PLCL1: variants seen among roughly 807,000 people sequenced by gnomAD.
PLCL1 encodes the protein phospholipase C like 1 (inactive).
Under a neutral mutation model 84.4 loss-of-function variants are expected in PLCL1, and 41 were observed. The ratio of observed to expected loss-of-function variants is 0.49; its 90% CI spans 0.38 to 0.63. The LOEUF is 0.63. PLCL1 is among the 30% of genes least tolerant of loss of function. The pLI, the probability that PLCL1 is intolerant of heterozygous loss-of-function variation, is 0.00. For synonymous variants in PLCL1, 490 were observed against 488.3 expected (o/e 1.00, Z -0.05); for missense variants, 1,206 against 1,367.8 (o/e 0.88, Z 1.87).
At position 198,005,240 on chromosome 2, in the gene PLCL1, G is replaced by A. The variant is rs151212265; in HGVS notation, c.241-78518G>A. On this transcript the variant is annotated intron_variant, in intron 1 of 5. Coordinates refer to ENST00000428675, the MANE Select transcript of PLCL1 (RefSeq NM_006226.4). ...AAGTGATAGGGGCAGTGAGATATAC[G>A]CTTTATCTCCCTGCATAGGCAATGA... 3.5e-3 allele frequency among the ~76,000 whole-genome samples: 532 copies of A among 152,320 alleles called. 2 individuals are homozygous for A. Among genetic ancestry groups the A allele is most frequent in the Admixed American group, 8.4e-3 (129 of 15,308 alleles).
At chr2:197,937,461 T>C (rs769565338) in intron 1 of PLCL1, among the ~76,000 whole-genome samples, 1 of 152,206 alleles carries the variant, frequency 6.6e-6, no homozygotes, top group Non-Finnish European at 1.5e-5. Flanking sequence ...CATTAATCTT[T>C]TGTAGTTTTC....
chr2:197,914,602 T>C (rs756037839), intron 1 of PLCL1, among the ~76,000 whole-genome samples: 12 of 152,222 alleles, frequency 7.9e-5, no homozygotes, highest in Non-Finnish European at 1.6e-4. Context: ...GTGCTGGGAT[T>C]ACAGATGTGA....
intron 1 of PLCL1, among the ~76,000 whole-genome samples, chr2:198,045,392 G>A (rs1264209757): frequency 6.6e-6 from 1 of 152,110 alleles, no homozygotes; most frequent in Non-Finnish European, 1.5e-5. Context: ...TGAATCATAG[G>A]AATGTAGATA....
At chr2:197,981,200 G>T (rs1295583148) in intron 1 of PLCL1, among the ~76,000 whole-genome samples, 3 of 152,192 alleles carry the variant, frequency 2.0e-5, no homozygotes, top group African/African-American at 7.2e-5. Context: ...TAGGGCAAAA[G>T]ACCTTTCCAC....
intron 1 of PLCL1, among the ~76,000 whole-genome samples, chr2:197,837,903 G>A (rs1691223076): frequency 6.6e-6 from 1 of 152,024 alleles, no homozygotes; most frequent in Non-Finnish European, 1.5e-5. Context: ...TTGAAATTGG[G>A]GGCTCCTTTT....
intron 1 of PLCL1, among the ~76,000 whole-genome samples, chr2:197,810,025 A>G (rs1367458978): frequency 2.0e-5 from 3 of 152,094 alleles, no homozygotes; most frequent in Admixed American, 1.3e-4. Flanking sequence ...TGGATTTTGG[A>G]GAAATAACCA....
chr2:198,044,073 A>T (rs1353993822), intron 1 of PLCL1, among the ~76,000 whole-genome samples: 1 of 152,094 alleles, frequency 6.6e-6, no homozygotes, highest in Non-Finnish European at 1.5e-5. Flanking sequence ...ACATATTTTC[A>T]GTATATTCTA....
intron 2 of PLCL1, 95 bp from the exon 3 acceptor site, chr2:198,088,762 CT>C (rs1347149911): frequency 3.0e-5 from 24 of 801,982 alleles, no homozygotes; most frequent in Non-Finnish European, 5.2e-5. Context: ...CCTCTATTAT[CT>C]TTTAAAAATG....
At chr2:198,055,208 A>G (rs776557966) in intron 1 of PLCL1, among the ~76,000 whole-genome samples, 2 of 151,538 alleles carry the variant, frequency 1.3e-5, no homozygotes, top group Non-Finnish European at 2.9e-5. Flanking sequence ...GTTTTGTAGG[A>G]ACTTGGGGCT....
At chr2:197,857,434 A>G (rs1269577392) in intron 1 of PLCL1, among the ~76,000 whole-genome samples, 4 of 152,202 alleles carry the variant, frequency 2.6e-5, no homozygotes, top group African/African-American at 4.8e-5. Flanking sequence ...GCATAGGTAC[A>G]CTGAATAAAC....
intron 1 of PLCL1, among the ~76,000 whole-genome samples, chr2:198,074,738 A>G (rs1003582427): frequency 3.9e-5 from 6 of 152,216 alleles, no homozygotes; most frequent in Admixed American, 3.9e-4. Flanking sequence ...AGAGGTGGGA[A>G]ATTTTGTCAG....
At position 198,088,999 on chromosome 2, in the gene PLCL1, T is replaced by C. The variant is rs769508970; in HGVS notation, c.2857T>C (p.Tyr953His). ...VSLVMKDSFP[Y>H]LEPLGAIPDV... is the part of the protein sequence containing the mutation. ...ACTTGTGATGAAAGACAGCTTTCCTTACCTGGAGCCTCTGGGTGCAATTCC... is the reference window on the plus strand; with the variant it reads ...ACTTGTGATGAAAGACAGCTTTCCTCACCTGGAGCCTCTGGGTGCAATTCC... Residue 953 changes from tyrosine to histidine, a missense_variant, in exon 3 of 6, where the codon TAC becomes CAC. Transcript: ENST00000428675. 1 of 1,613,982 alleles carries C rather than the reference T, an allele frequency of 6.2e-7. No individual in the cohort carries two copies. The highest frequency in any genetic ancestry group is 1.1e-5 in the South Asian group (1 of 91,086).
chr2:197,822,721 T>C (rs1350706230), intron 1 of PLCL1, among the ~76,000 whole-genome samples: 1 of 152,200 alleles, frequency 6.6e-6, no homozygotes, highest in Non-Finnish European at 1.5e-5. Context: ...TGAAATGGTG[T>C]TCCTAGGCCT....
chr2:197,937,097 CA>C (rs1290303240), intron 1 of PLCL1, among the ~76,000 whole-genome samples: 3 of 152,160 alleles, frequency 2.0e-5, no homozygotes, highest in Non-Finnish European at 4.4e-5. Flanking sequence ...ACCATAAATG[CA>C]TAAATTTATT....
chr2:197,824,713 C>CAAAAAA (rs1163183876), intron 1 of PLCL1, among the ~76,000 whole-genome samples: 1 of 55,544 alleles, frequency 1.8e-5, no homozygotes, highest in Non-Finnish European at 3.8e-5. Flanking sequence ...GACCCTGTCT[C>CAAAAAA]AAAAAAAAAA....
intron 1 of PLCL1, among the ~76,000 whole-genome samples, chr2:197,807,187 T>C (rs778225492): frequency 5.3e-5 from 8 of 151,838 alleles, no homozygotes; most frequent in Non-Finnish European, 1.0e-4. Flanking sequence ...TGCAAAGGAG[T>C]GTGAAGGAAA....
At chr2:197,971,150 C>T (rs1451284644) in intron 1 of PLCL1, among the ~76,000 whole-genome samples, 1 of 152,164 alleles carries the variant, frequency 6.6e-6, no homozygotes, top group Non-Finnish European at 1.5e-5. Flanking sequence ...TATTTCTTTT[C>T]CAATATCTGC....
In PLCL1 at chr2:197,903,092, A is replaced by G. The variant is rs542471018; in HGVS notation, c.240+97753A>G. Among the ~76,000 whole-genome samples, 4 of 152,186 alleles carry G rather than the reference A, an allele frequency of 2.6e-5. No individual in the cohort carries two copies. The South Asian group carries it at 6.2e-4, about 24-fold the overall frequency. On this transcript the variant is annotated intron_variant, in intron 1 of 5. Coordinates refer to ENST00000428675, the MANE Select transcript of PLCL1 (RefSeq NM_006226.4). ...GGTGTTAGCGTGTTTTGATACTACC[A>G]TTTTTCCCCTTAATATTAGCCTTTG...
intron 1 of PLCL1, among the ~76,000 whole-genome samples, chr2:197,981,657 G>C (rs1251048802): frequency 6.6e-6 from 1 of 152,180 alleles, no homozygotes; most frequent in South Asian, 2.1e-4. Flanking sequence ...GAGGGAGGAA[G>C]TTCATCAAGG....
Sources: gnomAD v4.1 joint callset for allele counts (sites outside exome capture counted in the v4.1 genomes callset) on GRCh38, gnomAD v4.1.1 for gene constraint, MANE v1.5 for transcripts, NCBI Gene and HGNC (gene_info 2026-07-23, HGNC 2026-07-21) for gene names.